NOC2L: variants seen among roughly 807,000 people sequenced by gnomAD.
NOC2L encodes the protein nucleolar complex protein 2 homolog.
In NOC2L, 101 loss-of-function variants were observed where a neutral mutation model predicts 94.2. The ratio of observed to expected loss-of-function variants is 1.07; its 90% CI spans 0.91 to 1.26. The LOEUF (loss-of-function observed/expected upper bound fraction) is 1.26, where lower values mean the gene tolerates loss of function less well. Ranked by LOEUF, NOC2L falls within the 50% of genes most tolerant of loss-of-function variation. The pLI, the probability that NOC2L is intolerant of heterozygous loss-of-function variation, is 0.00. For missense variants in NOC2L, 1,076 were observed against 980.1 expected, an observed-to-expected ratio of 1.10 and a Z score of -1.31; for synonymous variants, 531 against 413.4, an observed-to-expected ratio of 1.28 and a Z score of -3.45.
chr1:956,472 G>A (rs1487659549), intron 4 of NOC2L, among the ~76,000 whole-genome samples: 1 of 152,196 alleles, frequency 6.6e-6, no homozygotes, highest in Admixed American at 6.5e-5. Context: ...GCCACCTCCA[G>A]GTGGTATCTG....
chr1:958,602 CCT>C (rs1370750389), intron 2 of NOC2L: 28 of 538,208 alleles, frequency 5.2e-5, no homozygotes, highest in African/African-American at 4.3e-4. Flanking sequence ...CTCTTCAGCC[CCT>C]CTGTCCTTCC....
At chr1:956,782 A>T in intron 4 of NOC2L, 112 bp downstream of exon 4, 2 of 1,502,316 alleles carry the variant, frequency 1.3e-6, no homozygotes, top group Middle Eastern at 2.4e-4. Context: ...AGGCAAGGCC[A>T]GATCTCTGCC....
At position 952,616 on chromosome 1, in the gene NOC2L, G is replaced by C. The variant is rs757065209; in HGVS notation, c.1003-16C>G. On this transcript the variant is annotated splice_polypyrimidine_tract_variant and intron_variant, in intron 9 of 18. Coordinates refer to ENST00000327044, the MANE Select transcript of NOC2L (RefSeq NM_015658.4). ...TGTACATTTGCTGCGGAGAGACCCG[G>C]GTCAGAGCCACCTGGGATCAGGGCC... The C allele has an allele frequency of 6.2e-7, 1 of 1,613,246 alleles. No homozygotes were observed. The highest frequency in any genetic ancestry group is 8.5e-7 in the Non-Finnish European group (1 of 1,179,916).
chr1:947,481 C>T (rs1344045711), intron 14 of NOC2L, among the ~76,000 whole-genome samples: 2 of 152,228 alleles, frequency 1.3e-5, no homozygotes, highest in South Asian at 2.1e-4. Context: ...ATAGTCGGCA[C>T]ATCTGATTCC....
chr1:944,312 G>C lies in NOC2L; in HGVS notation c.*382C>G. ...CAAAGGAAAGGAACAAATTTTCAAAGACTTGGGGGAGTGAAGGCAGAGCCT... is the reference window on the plus strand; with the variant it reads ...CAAAGGAAAGGAACAAATTTTCAAACACTTGGGGGAGTGAAGGCAGAGCCT... On this transcript the variant is annotated 3_prime_UTR_variant, in exon 19 of 19. Coordinates refer to ENST00000327044, the MANE Select transcript of NOC2L (RefSeq NM_015658.4). 1.4e-6 allele frequency: 2 copies of C among 1,392,072 alleles called. No homozygotes were observed. Among genetic ancestry groups the C allele is most frequent in the Non-Finnish European group, 1.9e-6 (2 of 1,079,696 alleles). 86.2% of individuals were successfully genotyped at this position (1,392,072 alleles called of 1,614,324 possible).
rs1339868641 is a variant in NOC2L, at chr1:953,824, G to A, written c.846C>T (p.Pro282=). 9.3e-6 allele frequency: 15 copies of A among 1,612,954 alleles called. No individual in the cohort carries two copies. The highest frequency in any genetic ancestry group is 1.3e-5 in the Non-Finnish European group (15 of 1,180,016). ...AVLRHISVLV[P]CFLTFPKQCR... is the part of the protein sequence containing the mutation. ...ACTGCTTGGGGAAGGTCAGGAAGCA[G>A]GGCACCAGCACGCTGATGTGCCGCA... is the stretch of plus-strand genomic sequence containing the variant. The change falls in exon 8 of 19, where the codon CCC becomes CCT. Residue 282 remains proline, a synonymous_variant. Coordinates refer to ENST00000327044, the MANE Select transcript of NOC2L (RefSeq NM_015658.4).
intron 17 of NOC2L, 77 bp from the exon 18 acceptor site, chr1:945,223 G>C (rs1338112310): frequency 7.9e-6 from 12 of 1,510,018 alleles, no homozygotes; most frequent in African/African-American, 1.4e-5. Context: ...GGGCAGGAGG[G>C]TGGCCAGGCT....
intron 2 of NOC2L, 120 bp from the exon 3 acceptor site, chr1:957,393 G>A (rs1340961454): frequency 1.1e-5 from 11 of 1,004,892 alleles, no homozygotes; most frequent in East Asian, 2.6e-5. Context: ...AGGATTGCCA[G>A]GAGGTACGTT....
At chr1:950,797 G>A (rs1642239052) in intron 12 of NOC2L, among the ~76,000 whole-genome samples, 1 of 152,044 alleles carries the variant, frequency 6.6e-6, no homozygotes, top group Non-Finnish European at 1.5e-5. Flanking sequence ...GTCAGGGCAG[G>A]GCACTGTTCA....
At chr1:948,084 TAA>T in intron 14 of NOC2L, 45 bp downstream of exon 14, 2 of 1,470,202 alleles carry the variant, frequency 1.4e-6, no homozygotes, top group Non-Finnish European at 1.9e-6. Flanking sequence ...AAGCCCGTTA[TAA>T]GACAGTCTGA....
At chr1:952,210 C>G in intron 10 of NOC2L, 71 bp from the exon 11 acceptor site, 1 of 1,565,854 alleles carries the variant, frequency 6.4e-7, no homozygotes, top group East Asian at 2.3e-5. Context: ...CCTCCTGGGC[C>G]GGCACAGGAA....
chr1:954,325 T>C, intron 6 of NOC2L: 1 of 512,810 alleles, frequency 2.0e-6, no homozygotes, highest in East Asian at 3.2e-5. Context: ...CTGCCCAGGG[T>C]TGGCCACCGC....
chr1:948,108 G>A (rs2100380806), intron 14 of NOC2L, 23 bp downstream of exon 14: 3 of 1,550,152 alleles, frequency 1.9e-6, no homozygotes, highest in East Asian at 2.4e-5. Flanking sequence ...TCGGCCACGA[G>A]CCGGTGTGGG....
Position 952,134 on chromosome 1 carries a change from T to C in NOC2L, c.1197A>G (p.Thr399=), listed in dbSNP as rs747455374. ...ACTGCCAGTTGTACACAGACTGGTATGTTTCCTGGTCAGAGAGAACCACGT... is the reference window on the plus strand; with the variant it reads ...ACTGCCAGTTGTACACAGACTGGTACGTTTCCTGGTCAGAGAGAACCACGT... ...RNAMTTRKKE[T]YQSVYNWQYV... is the part of the protein sequence containing the mutation. The change falls in exon 11 of 19, where the codon ACA becomes ACG. Residue 399 remains threonine, a synonymous_variant. Coordinates refer to ENST00000327044, the MANE Select transcript of NOC2L (RefSeq NM_015658.4). 5.0e-6 allele frequency: 8 copies of C among 1,613,552 alleles called. No homozygotes were observed. Among genetic ancestry groups the C allele is most frequent in the African/African-American group, 1.3e-5 (1 of 75,052 alleles).
At chr1:953,388 C>T in intron 8 of NOC2L, 100 bp from the exon 9 acceptor site, 1 of 707,878 alleles carries the variant, frequency 1.4e-6, no homozygotes, top group Non-Finnish European at 2.5e-6. Context: ...GCTCCCATGG[C>T]CACCAGCTCT....
intron 12 of NOC2L, among the ~76,000 whole-genome samples, chr1:950,292 C>A (rs1246538955): frequency 6.6e-6 from 1 of 151,954 alleles, no homozygotes; most frequent in South Asian, 2.1e-4. Context: ...CACATAGGTG[C>A]ACACAGGTAC....
chr1:948,683 CT>C, intron 12 of NOC2L, 80 bp from the exon 13 acceptor site: 1 of 1,257,942 alleles, frequency 7.9e-7, no homozygotes, highest in Non-Finnish European at 1.2e-6. Flanking sequence ...CCTGGTCCCC[CT>C]GGTCCCTTTG....
chr1:948,832 G>T (rs1642184126), intron 12 of NOC2L, among the ~76,000 whole-genome samples: 1 of 152,054 alleles, frequency 6.6e-6, no homozygotes, highest in African/African-American at 2.4e-5. Flanking sequence ...CCCCGAGTGG[G>T]GCTCTGATCA....
At chr1:944,961 G>C (rs975779165) in intron 18 of NOC2L, 96 bp downstream of exon 18, 6 of 1,581,596 alleles carry the variant, frequency 3.8e-6, no homozygotes, top group Non-Finnish European at 4.3e-6. Context: ...GGAGGGAAAA[G>C]CCTGGCCCAG....
Sources: gnomAD v4.1 joint callset for allele counts (sites outside exome capture counted in the v4.1 genomes callset) on GRCh38, gnomAD v4.1.1 for gene constraint, MANE v1.5 for transcripts, NCBI Gene and HGNC (gene_info 2026-07-23, HGNC 2026-07-21) for gene names.